Variants in ATP11A observed in about 807,000 individuals in gnomAD.
ATP11A encodes phospholipid-transporting ATPase IH.
In ATP11A, 81 loss-of-function variants were observed where a neutral mutation model predicts 154.4. That is an observed-to-expected ratio of 0.52 (90% CI 0.44 to 0.63). The LOEUF is 0.63. Among genes scored for constraint, ATP11A ranks in the 30% least tolerant of loss-of-function variants. The pLI is 0.00. For missense variants in ATP11A, 1,316 were observed against 1,474.3 expected (o/e 0.89, Z 1.76); for synonymous variants, 623 against 585.9 (o/e 1.06, Z -0.91).
chr13:112,788,034 A>G (rs366025), intron 2 of ATP11A, among the ~76,000 whole-genome samples: 1,028 of 29,266 alleles, frequency 0.035, no homozygotes, highest in African/African-American at 0.08. Flanking sequence ...AATTCACACC[A>G]AGTGTCCTGA....
At chr13:112,803,031 A>T (rs1415693605) in intron 2 of ATP11A, among the ~76,000 whole-genome samples, 1 of 152,146 alleles carries the variant, frequency 6.6e-6, no homozygotes, top group Admixed American at 6.5e-5. Context: ...TCAACCTGAG[A>T]TGGGAACTGA....
At chr13:112,857,375 T>A (rs1319738144) in intron 20 of ATP11A, among the ~76,000 whole-genome samples, 1 of 152,262 alleles carries the variant, frequency 6.6e-6, no homozygotes, top group Non-Finnish European at 1.5e-5. Flanking sequence ...TAGAAATAGA[T>A]GCTTTATACC....
Position 112,854,517 on chromosome 13 carries a change from GACA to G in ATP11A, c.2233_2235del (p.Asn745del). On this transcript the variant is annotated inframe_deletion, in exon 19 of 30. Coordinates refer to ENST00000375645, the MANE Select transcript of ATP11A (RefSeq NM_015205.3). Reference sequence around the variant, plus strand: ...GCGCCACAGCGGGAGCCTGACCAGAGACAACCTGTCCGGGTAGGCAGCGCGTCC... The same window carrying G: ...GCGCCACAGCGGGAGCCTGACCAGAGACCTGTCCGGGTAGGCAGCGCGTCC... The G allele has an allele frequency of 1.2e-6, 2 of 1,610,364 alleles. No individual in the cohort carries two copies. The highest frequency in any genetic ancestry group is 1.7e-6 in the Non-Finnish European group (2 of 1,179,782).
chr13:112,768,139 C>T (rs1187003107), intron 1 of ATP11A, among the ~76,000 whole-genome samples: 1 of 152,254 alleles, frequency 6.6e-6, no homozygotes, highest in African/African-American at 2.4e-5. Flanking sequence ...CCGACTTCCT[C>T]ATAGCCGTTC....
chr13:112,795,921 C>T (rs9604452), intron 2 of ATP11A, among the ~76,000 whole-genome samples: 2,113 of 152,298 alleles, frequency 0.014, 55 homozygotes, highest in African/African-American at 0.047. Flanking sequence ...ATGGCAGGGT[C>T]AGGATCGAAT....
chr13:112,854,155 G>A, intron 18 of ATP11A, 124 bp from the exon 19 acceptor site: 1 of 1,273,768 alleles, frequency 7.9e-7, no homozygotes, highest in Non-Finnish European at 1.1e-6. Context: ...CCACAGTGTG[G>A]AGTGTTTTGA....
chr13:112,704,525 G>A (rs1268711735), intron 1 of ATP11A, among the ~76,000 whole-genome samples: 1 of 152,260 alleles, frequency 6.6e-6, no homozygotes, highest in Non-Finnish European at 1.5e-5. Context: ...TCTGACTGCG[G>A]CGTGCGTCTC....
At chr13:112,795,298 AG>A (rs1195185385) in intron 2 of ATP11A, among the ~76,000 whole-genome samples, 1 of 152,270 alleles carries the variant, frequency 6.6e-6, no homozygotes, top group Non-Finnish European at 1.5e-5. Flanking sequence ...ACAGCCTTCC[AG>A]GCCTGATGGA....
chr13:112,715,715 A>G (rs1434928755), intron 1 of ATP11A, among the ~76,000 whole-genome samples: 1 of 150,988 alleles, frequency 6.6e-6, no homozygotes, highest in Non-Finnish European at 1.5e-5. Flanking sequence ...TCCAAAGACA[A>G]CCCTAACCTG....
rs145478920 is a variant in ATP11A, at chr13:112,782,100, C to T, written c.40-3035C>T. Among the ~76,000 whole-genome samples, 1,307 of 152,380 alleles carry T rather than the reference C, an allele frequency of 8.6e-3. 26 individuals are homozygous for T. Among genetic ancestry groups the T allele is most frequent in the African/African-American group, 0.029 (1,195 of 41,584 alleles). ...CCTACTTGTGTCGGGTTAAACGCCG[C>T]TACACTGTTGGGCTGTATCTGAGTT... is the stretch of plus-strand genomic sequence containing the variant. On this transcript the variant is annotated intron_variant, in intron 1 of 29. Coordinates refer to ENST00000375645, the MANE Select transcript of ATP11A (RefSeq NM_015205.3).
At chr13:112,853,021 G>T (rs1205097987) in intron 18 of ATP11A, among the ~76,000 whole-genome samples, 1 of 152,090 alleles carries the variant, frequency 6.6e-6, no homozygotes, top group South Asian at 2.1e-4. Context: ...AGGAGTTTGA[G>T]CCCAGCCTGG....
At chr13:112,823,770 C>G (rs1165782328) in intron 9 of ATP11A, among the ~76,000 whole-genome samples, 3 of 152,184 alleles carry the variant, frequency 2.0e-5, no homozygotes, top group African/African-American at 7.2e-5. Context: ...TTGAGGTAAC[C>G]TTTAGAAGTA....
chr13:112,846,884 A>G (rs1220993789), intron 17 of ATP11A, among the ~76,000 whole-genome samples: 3 of 152,180 alleles, frequency 2.0e-5, no homozygotes, highest in Non-Finnish European at 4.4e-5. Flanking sequence ...CCAGACTGCC[A>G]GGCCCTGAGC....
Position 112,826,853 on chromosome 13 carries a change from C to T in ATP11A, c.1183C>T (p.Leu395=). 1 of 1,614,188 alleles carries T rather than the reference C, an allele frequency of 6.2e-7. No individual in the cohort carries two copies. The highest frequency in any genetic ancestry group is 8.5e-7 in the Non-Finnish European group (1 of 1,180,048). Residue 395 remains leucine (L), a synonymous_variant, in exon 12 of 30, where the codon CTG becomes TTG. Transcript: ENST00000375645. The stretch of plus-strand genomic sequence containing the variant: ...TGACGAGGAGACTGGCGAGGGGCCT[C>T]TGGTGAACACGTCGGACCTCAATGA... The part of the protein sequence containing the change: ...MFDEETGEGP[L]VNTSDLNEEL...
chr13:112,716,357 G>A lies in ATP11A; in HGVS notation c.39+25902G>A, dbSNP rs569946152. Among the ~76,000 whole-genome samples the A allele has an allele frequency of 2.0e-5, 3 of 152,280 alleles. No homozygotes were observed. In the South Asian group the frequency reaches 6.2e-4, roughly 32 times the overall value. On this transcript the variant is annotated intron_variant, in intron 1 of 29. Coordinates refer to ENST00000375645, the MANE Select transcript of ATP11A (RefSeq NM_015205.3). ...TGGGAATGCCCACCTAGGTGCGTGT[G>A]GCCTGGCGTCTCCCCAGATTCACTT...
intron 1 of ATP11A, among the ~76,000 whole-genome samples, chr13:112,762,511 C>T (rs974725682): frequency 6.6e-6 from 1 of 152,040 alleles, no homozygotes; most frequent in African/African-American, 2.4e-5. Flanking sequence ...GGCCGTGGTT[C>T]GGAGGAGACC....
At chr13:112,716,352 C>T (rs72660011) in intron 1 of ATP11A, among the ~76,000 whole-genome samples, 252 of 152,292 alleles carry the variant, frequency 1.7e-3, no homozygotes, top group Non-Finnish European at 2.1e-3. Context: ...CACCTAGGTG[C>T]GTGTGGCCTG....
chr13:112,842,483 C>T, intron 17 of ATP11A, 104 bp downstream of exon 17: 1 of 901,506 alleles, frequency 1.1e-6, no homozygotes. Flanking sequence ...GTATTGTATT[C>T]CTTGGGGAAT....
chr13:112,774,203 A>C (rs2077292666), intron 1 of ATP11A, among the ~76,000 whole-genome samples: 1 of 152,224 alleles, frequency 6.6e-6, no homozygotes, highest in Non-Finnish European at 1.5e-5. Flanking sequence ...TTATGAAAGC[A>C]GATTTTACTT....
Sources: allele counts gnomAD v4.1 joint callset (sites outside exome capture counted in the v4.1 genomes callset), GRCh38; gene constraint gnomAD v4.1.1; transcripts MANE v1.5; gene names NCBI Gene and HGNC (gene_info 2026-07-23, HGNC 2026-07-21).